The following PPP3CB variants were observed in gnomAD, a reference collection of about 807,000 sequenced individuals.
The protein encoded by PPP3CB is protein phosphatase 3 catalytic subunit beta, also known as serine/threonine-protein phosphatase 2B catalytic subunit beta isoform.
Under a neutral mutation model 66.4 loss-of-function variants are expected in PPP3CB, and 8 were observed. That is an observed-to-expected ratio of 0.12 (90% CI 0.07 to 0.22). The LOEUF (loss-of-function observed/expected upper bound fraction) is 0.22, where lower values mean the gene tolerates loss of function less well. Among genes scored for constraint, PPP3CB ranks in the 10% least tolerant of loss-of-function variants. The pLI is 1.00. For synonymous variants in PPP3CB, 208 were observed against 221.2 expected, an observed-to-expected ratio of 0.94 and a Z score of 0.53; for missense variants, 319 against 642.5, an observed-to-expected ratio of 0.50 and a Z score of 5.44.
chr10:73,494,446 CCCGGCTA>C (rs1247890673), intron 1 of PPP3CB, among the ~76,000 whole-genome samples: 3 of 152,062 alleles, frequency 2.0e-5, no homozygotes, highest in Non-Finnish European at 4.4e-5. Context: ...CGCCACCATG[CCCGGCTA>C]ATTTTTATTT....
chr10:73,480,920 C>T (rs1194036999), intron 1 of PPP3CB, among the ~76,000 whole-genome samples: 1 of 152,086 alleles, frequency 6.6e-6, no homozygotes, highest in South Asian at 2.1e-4. Context: ...CATCTAAGCA[C>T]AATTTTGAGG....
intron 4 of PPP3CB, among the ~76,000 whole-genome samples, chr10:73,471,881 CAA>C (rs1282947199): frequency 6.6e-6 from 1 of 152,028 alleles, no homozygotes; most frequent in Non-Finnish European, 1.5e-5. Flanking sequence ...AAAAAGGTAG[CAA>C]GAGAGAACTT....
rs542930266 is a variant in PPP3CB, at chr10:73,463,248, T to C, written c.1108+4305A>G. 3.9e-5 allele frequency among the ~76,000 whole-genome samples: 6 copies of C among 152,348 alleles called. No individual in the cohort carries two copies. In the South Asian group the frequency reaches 1.2e-3, roughly 32 times the overall value. ...TGCTACCAGGCCTTCATTATGTCTC[T>C]ACCTGACTTCTGGTGTAACTTCATA... On this transcript the variant is annotated intron_variant, in intron 9 of 13. Coordinates refer to ENST00000360663, the MANE Select transcript of PPP3CB (RefSeq NM_021132.4).
At chr10:73,449,258 T>C (rs955360983) in intron 10 of PPP3CB, among the ~76,000 whole-genome samples, 1 of 152,202 alleles carries the variant, frequency 6.6e-6, no homozygotes, top group Non-Finnish European at 1.5e-5. Context: ...AAACCTCCCA[T>C]ATTCCCTAAC....
chr10:73,469,037 A>G (rs930459298), intron 8 of PPP3CB, among the ~76,000 whole-genome samples: 1 of 152,224 alleles, frequency 6.6e-6, no homozygotes, highest in Admixed American at 6.5e-5. Context: ...CTGATTTTTG[A>G]TAAGACAGTC....
At chr10:73,451,724 G>A (rs1701190738) in intron 10 of PPP3CB, among the ~76,000 whole-genome samples, 1 of 150,898 alleles carries the variant, frequency 6.6e-6, no homozygotes, top group African/African-American at 2.4e-5. Flanking sequence ...TGGTAACATA[G>A]GGAAACCTCA....
intron 9 of PPP3CB, among the ~76,000 whole-genome samples, chr10:73,455,480 A>C (rs929100884): frequency 6.6e-6 from 1 of 152,144 alleles, no homozygotes; most frequent in Non-Finnish European, 1.5e-5. Flanking sequence ...TTACAGTTTC[A>C]ATTATCACCT....
chr10:73,439,914 G>A lies in PPP3CB; in HGVS notation c.1367-13C>T. The A allele has an allele frequency of 6.2e-7, 1 of 1,612,264 alleles. No individual in the cohort carries two copies. The highest frequency in any genetic ancestry group is 8.5e-7 in the Non-Finnish European group (1 of 1,178,466). ...GCCTCAACTGTGGCTGTACAGAAGT[G>A]AGCAGAGGCATGCAAAATGAATGAG... On this transcript the variant is annotated splice_polypyrimidine_tract_variant and intron_variant, in intron 12 of 13. Coordinates refer to ENST00000360663, the MANE Select transcript of PPP3CB (RefSeq NM_021132.4).
At chr10:73,464,501 A>G (rs1215251996) in intron 9 of PPP3CB, among the ~76,000 whole-genome samples, 7 of 152,242 alleles carry the variant, frequency 4.6e-5, no homozygotes, top group South Asian at 2.1e-4. Flanking sequence ...AGGAGGGCCA[A>G]TAAGTGTGAA....
At chr10:73,443,577 A>G (rs1459253972) in intron 12 of PPP3CB, among the ~76,000 whole-genome samples, 1 of 152,202 alleles carries the variant, frequency 6.6e-6, no homozygotes, top group Non-Finnish European at 1.5e-5. Context: ...ACTACAAGAA[A>G]TTCAGGCTTT....
intron 12 of PPP3CB, among the ~76,000 whole-genome samples, chr10:73,443,317 A>T (rs1035733671): frequency 6.7e-6 from 1 of 148,304 alleles, no homozygotes; most frequent in African/African-American, 2.6e-5. Flanking sequence ...AGAAAGAAAG[A>T]AAGAAAGAAA....
At chr10:73,494,428 C>T (rs547163052) in intron 1 of PPP3CB, among the ~76,000 whole-genome samples, 38 of 152,194 alleles carry the variant, frequency 2.5e-4, no homozygotes, top group Admixed American at 2.2e-3. Context: ...GCTGGGACTA[C>T]AGGGGCGCGC....
chr10:73,486,846 G>C (rs934840177), intron 1 of PPP3CB, among the ~76,000 whole-genome samples: 2 of 152,112 alleles, frequency 1.3e-5, no homozygotes, highest in African/African-American at 4.8e-5. Flanking sequence ...CATGCCTTCT[G>C]GCTAGTTTAC....
intron 4 of PPP3CB, 83 bp downstream of exon 4, chr10:73,474,836 G>A (rs968131260): frequency 6.2e-5 from 96 of 1,539,082 alleles, no homozygotes; most frequent in Non-Finnish European, 7.9e-5. Context: ...ATGTTGCACT[G>A]TAAAGTCTTC....
chr10:73,470,151 A>G (rs771197889), intron 8 of PPP3CB, among the ~76,000 whole-genome samples: 1 of 152,212 alleles, frequency 6.6e-6, no homozygotes, highest in African/African-American at 2.4e-5. Context: ...AAATAAAGAG[A>G]AGAATGTATC....
intron 1 of PPP3CB, among the ~76,000 whole-genome samples, chr10:73,489,976 A>G (rs938050442): frequency 6.6e-6 from 1 of 152,182 alleles, no homozygotes; most frequent in African/African-American, 2.4e-5. Context: ...TTACAGCTCC[A>G]GTAGCGCTTT....
chr10:73,486,254 A>AG (rs1413073501), intron 1 of PPP3CB, among the ~76,000 whole-genome samples: 1 of 124,952 alleles, frequency 8.0e-6, no homozygotes, highest in African/African-American at 3.0e-5. Flanking sequence ...AATTTTTTGT[A>AG]GTTTTAGTAG....
At chr10:73,456,752 C>G (rs1227126735) in intron 9 of PPP3CB, among the ~76,000 whole-genome samples, 2 of 152,142 alleles carry the variant, frequency 1.3e-5, no homozygotes, top group Non-Finnish European at 2.9e-5. Context: ...ACGGGCAAAT[C>G]TTTATGAGCT....
rs369119549 is a variant in PPP3CB at position 73,492,038 on chromosome 10, C to T, written c.85+3767G>A. On this transcript the variant is annotated intron_variant, in intron 1 of 13. Coordinates refer to ENST00000360663, the MANE Select transcript of PPP3CB (RefSeq NM_021132.4). Reference sequence around the variant, plus strand: ...CTCCTAAAGGAAAGCTACTAGAAAACACTTTAGCCAAATGACTTCAGATTT... The same window carrying T: ...CTCCTAAAGGAAAGCTACTAGAAAATACTTTAGCCAAATGACTTCAGATTT... Among the ~76,000 whole-genome samples, 3 of 151,856 alleles carry T rather than the reference C, an allele frequency of 2.0e-5. No individual in the cohort carries two copies. The East Asian group carries it at 5.8e-4, about 29-fold the overall frequency.
Sources: gnomAD v4.1 joint callset for allele counts (sites outside exome capture counted in the v4.1 genomes callset) on GRCh38, gnomAD v4.1.1 for gene constraint, MANE v1.5 for transcripts, NCBI Gene and HGNC (gene_info 2026-07-23, HGNC 2026-07-21) for gene names.